XYLT1: variants seen among roughly 807,000 people sequenced by gnomAD.
XYLT1 encodes beta-D-xylosyltransferase 1.
XYLT1 carries 36 observed loss-of-function variants against 91.3 expected under a neutral mutation model. That is an observed-to-expected ratio of 0.39 (90% CI 0.30 to 0.52). XYLT1 has a LOEUF of 0.52. Among genes scored for constraint, XYLT1 ranks in the 20% least tolerant of loss-of-function variants. XYLT1 has a pLI of 0.68. For synonymous variants in XYLT1, 588 were observed against 532.0 expected, an observed-to-expected ratio of 1.11 and a Z score of -1.45; for missense variants, 1,242 against 1,284.5, an observed-to-expected ratio of 0.97 and a Z score of 0.51.
At chr16:17,431,349 G>A (rs1322283078) in intron 1 of XYLT1, among the ~76,000 whole-genome samples, 1 of 152,120 alleles carries the variant, frequency 6.6e-6, no homozygotes, top group African/African-American at 2.4e-5. Flanking sequence ...GGTCGGGAGT[G>A]GGGCTTGAGA....
At chr16:17,192,144 G>A (rs370816956) in intron 5 of XYLT1, among the ~76,000 whole-genome samples, 29 of 149,000 alleles carry the variant, frequency 1.9e-4, no homozygotes, top group African/African-American at 5.5e-4. Flanking sequence ...TGCTGCCCGG[G>A]CTGGAGTGCA....
chr16:17,182,002 C>A (rs1383772973), intron 5 of XYLT1, among the ~76,000 whole-genome samples: 3 of 152,148 alleles, frequency 2.0e-5, no homozygotes, highest in African/African-American at 7.2e-5. Context: ...AGCCACCATG[C>A]TCTGACCTAG....
chr16:17,414,200 A>G (rs2036151251), intron 1 of XYLT1, among the ~76,000 whole-genome samples: 1 of 152,064 alleles, frequency 6.6e-6, no homozygotes, highest in African/African-American at 2.4e-5. Context: ...AAGGGCATTG[A>G]CCTCACTGTG....
intron 2 of XYLT1, among the ~76,000 whole-genome samples, chr16:17,302,208 ATACTAC>A (rs200286825): frequency 6.6e-6 from 1 of 151,730 alleles, no homozygotes; most frequent in African/African-American, 2.4e-5. Context: ...CGATCTCAAA[ATACTAC>A]TACTACTACT....
In XYLT1 at chr16:17,107,661, C is replaced by T. The variant is rs1966796346; in HGVS notation, c.*1034G>A. 1 of 152,856 alleles carries T rather than the reference C, an allele frequency of 6.5e-6. No individual in the cohort carries two copies. Among genetic ancestry groups the T allele is most frequent in the South Asian group, 2.1e-4 (1 of 4,832 alleles). 9.5% of individuals were successfully genotyped at this position (152,856 alleles called of 1,614,324 possible). On this transcript the variant is annotated 3_prime_UTR_variant, in exon 12 of 12. Coordinates refer to ENST00000261381, the MANE Select transcript of XYLT1 (RefSeq NM_022166.4). ...GACGAAGGTTTTGTGTGTCTGACCTCAGAACGGAAGGGCTCTGGCAGGGGA... is the reference window on the plus strand; with the variant it reads ...GACGAAGGTTTTGTGTGTCTGACCTTAGAACGGAAGGGCTCTGGCAGGGGA...
chr16:17,444,659 T>C (rs546955241), intron 1 of XYLT1, among the ~76,000 whole-genome samples: 9 of 152,254 alleles, frequency 5.9e-5, no homozygotes, highest in South Asian at 2.1e-4. Flanking sequence ...CATTTTATTG[T>C]AGGTGCCTAG....
At chr16:17,309,288 T>C (rs763110133) in intron 2 of XYLT1, among the ~76,000 whole-genome samples, 49 of 152,154 alleles carry the variant, frequency 3.2e-4, no homozygotes, top group Non-Finnish European at 6.2e-4. Context: ...ACTAAAAAAA[T>C]GTCTCTGGAC....
chr16:17,233,535 G>A (rs1386157283), intron 3 of XYLT1, among the ~76,000 whole-genome samples: 5 of 152,260 alleles, frequency 3.3e-5, no homozygotes, highest in Admixed American at 2.6e-4. Context: ...CTTCAAAGCA[G>A]AGATTGCAGG....
chr16:17,464,781 T>A (rs968243976), intron 1 of XYLT1, among the ~76,000 whole-genome samples: 1 of 152,138 alleles, frequency 6.6e-6, no homozygotes, highest in Admixed American at 6.5e-5. Context: ...TCAATATAAA[T>A]TGCATGTCTG....
At chr16:17,462,424 T>C (rs1331646636) in intron 1 of XYLT1, among the ~76,000 whole-genome samples, 1 of 152,158 alleles carries the variant, frequency 6.6e-6, no homozygotes, top group Non-Finnish European at 1.5e-5. Context: ...CCCATCTTCT[T>C]TGTGATGCCT....
intron 8 of XYLT1, among the ~76,000 whole-genome samples, chr16:17,138,032 A>AAAGAGAAGATGATAT (rs1435957325): frequency 2.4e-5 from 3 of 123,076 alleles, no homozygotes; most frequent in African/African-American, 1.1e-4. Flanking sequence ...AAAAGGGAAT[A>AAAGAGAAGATGATAT]AAGAGAAGAT....
At chr16:17,362,613 A>T (rs1303291228) in intron 1 of XYLT1, among the ~76,000 whole-genome samples, 1 of 152,232 alleles carries the variant, frequency 6.6e-6, no homozygotes, top group Non-Finnish European at 1.5e-5. Flanking sequence ...CTTAATTTTA[A>T]CAAGCAATTA....
chr16:17,127,447 T>C (rs1158613729), intron 10 of XYLT1, among the ~76,000 whole-genome samples: 3 of 152,150 alleles, frequency 2.0e-5, no homozygotes, highest in Non-Finnish European at 2.9e-5. Context: ...CCCTAAAAAA[T>C]ACAACTGTGT....
intron 2 of XYLT1, among the ~76,000 whole-genome samples, chr16:17,259,839 G>A (rs112771053): frequency 0.015 from 2,352 of 152,202 alleles, 20 homozygotes; most frequent in South Asian, 0.035. Context: ...CCAGCGTCCC[G>A]TTTAAATTCC....
At chr16:17,436,788 T>C (rs1046427865) in intron 1 of XYLT1, among the ~76,000 whole-genome samples, 6 of 152,230 alleles carry the variant, frequency 3.9e-5, no homozygotes, top group East Asian at 1.9e-4. Context: ...GTGCTTTCCT[T>C]TTTATTAAAC....
intron 2 of XYLT1, among the ~76,000 whole-genome samples, chr16:17,348,358 G>T (rs911833756): frequency 6.6e-6 from 1 of 152,060 alleles, no homozygotes; most frequent in Admixed American, 6.6e-5. Context: ...AGCAGCTCTG[G>T]GTCCTGGTTT....
In XYLT1 at chr16:17,127,759, G is replaced by A. The variant is rs2030312028; in HGVS notation, c.2130C>T (p.Ser710=). ...IKHHATNLAV[S]KLETLETWVM... ...CCCAGGTCTCCAGAGTCTCTAGTTT[G>A]CTCACAGCCAGATTGGTAGCATGAT... The change falls in exon 10 of 12, where the codon AGC becomes AGT. Residue 710 remains serine, a synonymous_variant. Coordinates refer to ENST00000261381, the MANE Select transcript of XYLT1 (RefSeq NM_022166.4). 1.9e-6 allele frequency: 3 copies of A among 1,614,078 alleles called. No individual in the cohort carries two copies. The highest frequency in any genetic ancestry group is 1.7e-6 in the Non-Finnish European group (2 of 1,180,038).
chr16:17,228,832 C>T (rs951232546), intron 3 of XYLT1, among the ~76,000 whole-genome samples: 1 of 152,082 alleles, frequency 6.6e-6, no homozygotes, highest in Non-Finnish European at 1.5e-5. Flanking sequence ...ACACCTGGCC[C>T]AAAACACCCT....
At chr16:17,281,893 G>A (rs897235724) in intron 2 of XYLT1, among the ~76,000 whole-genome samples, 2 of 152,158 alleles carry the variant, frequency 1.3e-5, no homozygotes, top group Admixed American at 6.5e-5. Context: ...AGGGTTCTAT[G>A]GTTCTATGGG....
Sources: allele counts gnomAD v4.1 joint callset (sites outside exome capture counted in the v4.1 genomes callset), GRCh38; gene constraint gnomAD v4.1.1; transcripts MANE v1.5; gene names NCBI Gene and HGNC (gene_info 2026-07-23, HGNC 2026-07-21).